DYNC1I2: variants seen among roughly 807,000 people sequenced by gnomAD.
DYNC1I2 encodes the protein cytoplasmic dynein 1 intermediate chain 2.
In DYNC1I2, 53 loss-of-function variants were observed where a neutral mutation model predicts 88.6. The ratio of observed to expected loss-of-function variants is 0.60; its 90% CI spans 0.48 to 0.75. The LOEUF (loss-of-function observed/expected upper bound fraction) is 0.75, where lower values mean the gene tolerates loss of function less well. Ranked by LOEUF, DYNC1I2 falls within the 30% of genes least tolerant of loss-of-function variation. The pLI is 0.00. For synonymous variants in DYNC1I2, 198 were observed against 254.6 expected (o/e 0.78, Z 2.12); for missense variants, 458 against 766.6 (o/e 0.60, Z 4.75).
At chr2:171,725,547 T>C in intron 7 of DYNC1I2, 71 bp from the exon 8 acceptor site, 1 of 1,038,648 alleles carries the variant, frequency 9.6e-7, no homozygotes, top group Non-Finnish European at 1.4e-6. Flanking sequence ...TTACCAGCTA[T>C]TTTCATTAAA....
At chr2:171,696,929 T>G (rs1574509273) in intron 3 of DYNC1I2, among the ~76,000 whole-genome samples, 1 of 152,290 alleles carries the variant, frequency 6.6e-6, no homozygotes, top group Non-Finnish European at 1.5e-5. Context: ...AAATTTAGTT[T>G]GTTTCCCTCC....
At chr2:171,737,119 C>G (rs1481831261) in intron 15 of DYNC1I2, among the ~76,000 whole-genome samples, 1 of 152,170 alleles carries the variant, frequency 6.6e-6, no homozygotes, top group Non-Finnish European at 1.5e-5. Context: ...TCTTGTCTCT[C>G]TCCCGGCTTC....
chr2:171,740,472 T>G (rs1443233433), intron 15 of DYNC1I2, among the ~76,000 whole-genome samples: 1 of 152,250 alleles, frequency 6.6e-6, no homozygotes, highest in Non-Finnish European at 1.5e-5. Context: ...TCACAAAATC[T>G]GATCACAATC....
chr2:171,731,842 G>A (rs1240572136), intron 15 of DYNC1I2, among the ~76,000 whole-genome samples: 3 of 152,150 alleles, frequency 2.0e-5, no homozygotes, highest in South Asian at 2.1e-4. Context: ...ACAAATTGTC[G>A]TAAAATAAAA....
At chr2:171,737,966 C>T (rs1371241381) in intron 15 of DYNC1I2, among the ~76,000 whole-genome samples, 1 of 151,922 alleles carries the variant, frequency 6.6e-6, no homozygotes, top group Non-Finnish European at 1.5e-5. Context: ...ATTATAAATA[C>T]AAGTAAGTTT....
intron 11 of DYNC1I2, among the ~76,000 whole-genome samples, chr2:171,727,550 T>C (rs958941216): frequency 6.6e-6 from 1 of 152,164 alleles, no homozygotes; most frequent in Non-Finnish European, 1.5e-5. Context: ...TGTAGTTAAC[T>C]GAAATAACTT....
In DYNC1I2 at chr2:171,690,128, A is replaced by G. The variant is rs1385687117; in HGVS notation, c.-9-19A>G. The G allele has an allele frequency of 3.5e-6, 5 of 1,436,184 alleles. No individual in the cohort carries two copies. The highest frequency in any genetic ancestry group is 4.7e-6 in the Non-Finnish European group (5 of 1,059,392). 89.0% of individuals were successfully genotyped at this position (1,436,184 alleles called of 1,614,324 possible). A position where few individuals can be genotyped will look rare whatever the true frequency, so the allele number is the denominator to read the frequency against. Reference sequence around the variant, plus strand: ...CAACTGTGCTGCTTTTACTAACATAATGATTATATGTTTCTAAGGTCACAA... The same window carrying G: ...CAACTGTGCTGCTTTTACTAACATAGTGATTATATGTTTCTAAGGTCACAA... On this transcript the variant is annotated intron_variant, in intron 1 of 17. Transcript: ENST00000397119.
At chr2:171,694,006 A>G (rs1033792735) in intron 3 of DYNC1I2, among the ~76,000 whole-genome samples, 2 of 146,114 alleles carry the variant, frequency 1.4e-5, no homozygotes, top group South Asian at 4.3e-4. Context: ...TTAAGACTTT[A>G]GTTTCACTGA....
chr2:171,715,373 C>G lies in DYNC1I2; in HGVS notation c.441C>G (p.Asp147Glu), dbSNP rs1256587139. 6.4e-7 allele frequency: 1 copy of G among 1,568,184 alleles called. No individual in the cohort carries two copies. Residue 147 changes from aspartate to glutamate, a missense_variant, in exon 7 of 18, where the codon GAC (aspartate) becomes GAG (glutamate). By Grantham distance (45) the Asp-to-Glu change is conservative (BLOSUM62 2). This residue lies in a region of DYNC1I2 where 203 missense variants were observed against 354.2 expected (regional missense o/e 0.57). Transcript: ENST00000397119. The part of the protein sequence containing the change: ...KLGMAKITQV[D>E]FPPREIVTYT... ...GAATGGCTAAAATCACGCAAGTCGA[C>G]TTTCCTCCTCGAGAAATTGTCACGT...
Position 171,728,418 on chromosome 2 carries a change from G to A in DYNC1I2, c.1257G>A (p.Gln419=). Residue 419 remains glutamine (Q), a splice_region_variant and synonymous_variant, in exon 13 of 18, where the codon CAG becomes CAA. Coordinates refer to ENST00000397119, the MANE Select transcript of DYNC1I2 (RefSeq NM_001378.3). The stretch of plus-strand genomic sequence containing the variant: ...GTCTGGACATGCTTTCCCATCCACA[G>A]GTGGGTTAAACTTGGGAAACTGAAA... The part of the protein sequence containing the change: ...SWSLDMLSHP[Q]DSMELVHKQS... 6.3e-7 allele frequency: 1 copy of A among 1,575,790 alleles called. No individual in the cohort carries two copies. Among genetic ancestry groups the A allele is most frequent in the Non-Finnish European group, 8.6e-7 (1 of 1,157,402 alleles).
At position 171,728,712 on chromosome 2, in the gene DYNC1I2, T is replaced by C. The variant is rs369203476; in HGVS notation, c.1258-5T>C. On this transcript the variant is annotated splice_polypyrimidine_tract_variant and splice_region_variant and intron_variant, in intron 13 of 17. Transcript: ENST00000397119. ...AAACTAATTTTCTCAGGTTTTTCTA[T>C]GTAGGATAGCATGGAGTTGGTTCAT... The C allele has an allele frequency of 1.9e-6, 3 of 1,576,418 alleles. No individual in the cohort carries two copies. Among genetic ancestry groups the C allele is most frequent in the Non-Finnish European group, 2.6e-6 (3 of 1,164,760 alleles).
chr2:171,721,611 G>A (rs1275418904), intron 7 of DYNC1I2, among the ~76,000 whole-genome samples: 1 of 152,128 alleles, frequency 6.6e-6, no homozygotes, highest in Admixed American at 6.5e-5. Flanking sequence ...TGTTTGTGAA[G>A]TTATTCATAA....
intron 7 of DYNC1I2, among the ~76,000 whole-genome samples, chr2:171,717,367 G>C (rs1013191027): frequency 6.6e-6 from 1 of 151,888 alleles, no homozygotes; most frequent in Non-Finnish European, 1.5e-5. Context: ...CACCCACCTC[G>C]GCCTCCCAAA....
chr2:171,727,895 T>A lies in DYNC1I2; in HGVS notation c.1071T>A (p.Ile357=). The A allele has an allele frequency of 1.9e-6, 3 of 1,613,352 alleles. No individual in the cohort carries two copies. The highest frequency in any genetic ancestry group is 2.5e-6 in the Non-Finnish European group (3 of 1,179,450). The change falls in exon 12 of 18, where the codon ATT becomes ATA. Residue 357 remains isoleucine (I), a synonymous_variant. Transcript: ENST00000397119. ...LVVGGTYSGQ[I]VLWDNRSNKR... Reference sequence around the variant, plus strand: ...TTGGTGGTACATATTCAGGCCAAATTGTGCTTTGGGATAACCGTAGCAATA... The same window carrying A: ...TTGGTGGTACATATTCAGGCCAAATAGTGCTTTGGGATAACCGTAGCAATA...
chr2:171,727,725 T>C (rs995088213), intron 11 of DYNC1I2, 96 bp from the exon 12 acceptor site: 1 of 1,175,200 alleles, frequency 8.5e-7, no homozygotes. Context: ...TACCATACAA[T>C]GAAGAAAGAA....
At chr2:171,730,735 A>T (rs1460150063) in intron 15 of DYNC1I2, among the ~76,000 whole-genome samples, 1 of 152,148 alleles carries the variant, frequency 6.6e-6, no homozygotes, top group Non-Finnish European at 1.5e-5. Flanking sequence ...GCCTTATCCT[A>T]AATATTGACT....
Position 171,690,298 on chromosome 2 carries a change from A to G in DYNC1I2, c.108+35A>G, listed in dbSNP as rs1178482889. The G allele has an allele frequency of 3.5e-6, 5 of 1,416,010 alleles. No individual in the cohort carries two copies. In the Admixed American group the frequency reaches 8.7e-5, roughly 25 times the overall value. 87.7% of individuals were successfully genotyped at this position (1,416,010 alleles called of 1,614,324 possible). On this transcript the variant is annotated intron_variant, in intron 2 of 17. Transcript: ENST00000397119. Reference sequence around the variant, plus strand: ...ATTTTTTTGCTTAAATAAACAACATAAAGTAATTGGGTTTTATTTCACATA... The same window carrying G: ...ATTTTTTTGCTTAAATAAACAACATGAAGTAATTGGGTTTTATTTCACATA...
chr2:171,688,030 A>T (rs1685095157), intron 1 of DYNC1I2: 1 of 152,250 alleles, frequency 6.6e-6, no homozygotes, highest in Non-Finnish European at 1.5e-5. Context: ...CGGCCCGGCG[A>T]GAGGAGTCCA....
intron 5 of DYNC1I2, among the ~76,000 whole-genome samples, chr2:171,709,043 T>G (rs959014569): frequency 2.0e-5 from 3 of 150,508 alleles, no homozygotes; most frequent in Non-Finnish European, 4.4e-5. Context: ...AGTGAAAGCG[T>G]TTTTTTTTCC....
Sources: allele counts gnomAD v4.1 joint callset (sites outside exome capture counted in the v4.1 genomes callset), GRCh38; gene constraint gnomAD v4.1.1; regional missense constraint gnomAD v4.1.1; transcripts MANE v1.5; gene names NCBI Gene and HGNC (gene_info 2026-07-23, HGNC 2026-07-21).